AUH: variants seen among roughly 807,000 people sequenced by gnomAD.
AUH encodes the protein AU RNA binding methylglutaconyl-CoA hydratase, also known as methylglutaconyl-CoA hydratase, mitochondrial.
AUH carries 29 observed loss-of-function variants against 42.3 expected under a neutral mutation model. The ratio of observed to expected loss-of-function variants is 0.69; its 90% CI spans 0.51 to 0.93. The LOEUF is 0.93. AUH is among the 40% of genes least tolerant of loss of function. The probability of loss-of-function intolerance (pLI) is 0.00; values close to 1 mark genes in which losing one functional copy is unlikely to be tolerated. For synonymous variants in AUH, 174 were observed against 166.4 expected (o/e 1.05, Z -0.35); for missense variants, 452 against 438.1 (o/e 1.03, Z -0.28).
chr9:91,280,377 A>G (rs1825868470), intron 6 of AUH, among the ~76,000 whole-genome samples: 1 of 152,202 alleles, frequency 6.6e-6, no homozygotes, highest in Non-Finnish European at 1.5e-5. Flanking sequence ...TTACTGCTGG[A>G]TAATAAGAAA....
At chr9:91,278,120 G>A (rs1409277787) in intron 6 of AUH, among the ~76,000 whole-genome samples, 1 of 152,148 alleles carries the variant, frequency 6.6e-6, no homozygotes, top group African/African-American at 2.4e-5. Flanking sequence ...AGAAAACAAC[G>A]GAGGGCTGGC....
intron 4 of AUH, among the ~76,000 whole-genome samples, chr9:91,303,025 G>C (rs1827926899): frequency 6.6e-6 from 1 of 152,246 alleles, no homozygotes; most frequent in South Asian, 2.1e-4. Context: ...CAGGAAATGA[G>C]CCAGGTATGA....
At chr9:91,236,942 A>G (rs990628397) in intron 6 of AUH, among the ~76,000 whole-genome samples, 4 of 152,148 alleles carry the variant, frequency 2.6e-5, no homozygotes, top group Admixed American at 2.0e-4. Flanking sequence ...AGGAAAAAAA[A>G]CCCCATAAAC....
chr9:91,307,143 T>C (rs1828290505), intron 4 of AUH, among the ~76,000 whole-genome samples: 1 of 152,148 alleles, frequency 6.6e-6, no homozygotes, highest in Non-Finnish European at 1.5e-5. Context: ...CTGGAGGTGA[T>C]GGACATATTC....
chr9:91,342,039 GAGACCTGAC>G (rs1420942797), intron 3 of AUH, among the ~76,000 whole-genome samples: 1 of 152,156 alleles, frequency 6.6e-6, no homozygotes, highest in East Asian at 1.9e-4. Context: ...CAGAGTAGGC[GAGACCTGAC>G]ACACTTGGTA....
chr9:91,233,130 C>T (rs1227178705), intron 6 of AUH, among the ~76,000 whole-genome samples: 1 of 151,934 alleles, frequency 6.6e-6, no homozygotes, highest in African/African-American at 2.4e-5. Context: ...TGGGAAGCCT[C>T]GCAATAAAGA....
intron 3 of AUH, among the ~76,000 whole-genome samples, chr9:91,349,218 C>G (rs1057500523): frequency 1.3e-5 from 2 of 152,210 alleles, no homozygotes; most frequent in Admixed American, 1.3e-4. Context: ...ACAAGTCACT[C>G]TTTAGTCATA....
intron 4 of AUH, among the ~76,000 whole-genome samples, chr9:91,319,355 T>A (rs893465290): frequency 1.3e-5 from 2 of 152,202 alleles, no homozygotes; most frequent in African/African-American, 4.8e-5. Context: ...CAAGTACTGT[T>A]ACAGTAGGTA....
At chr9:91,285,316 G>T (rs192906007) in intron 6 of AUH, among the ~76,000 whole-genome samples, 2 of 151,954 alleles carry the variant, frequency 1.3e-5, no homozygotes, top group Non-Finnish European at 2.9e-5. Flanking sequence ...GTCATGGGGT[G>T]GGGGAAGGGG....
At chr9:91,254,092 T>C (rs527715737) in intron 6 of AUH, among the ~76,000 whole-genome samples, 13 of 152,198 alleles carry the variant, frequency 8.5e-5, no homozygotes, top group Non-Finnish European at 1.8e-4. Context: ...AGAACGTTAA[T>C]AAAGTAAATC....
At chr9:91,335,965 A>C (rs1830656908) in intron 3 of AUH, among the ~76,000 whole-genome samples, 1 of 152,184 alleles carries the variant, frequency 6.6e-6, no homozygotes, top group African/African-American at 2.4e-5. Context: ...CCTAGCCATC[A>C]ACCACTGTGG....
intron 6 of AUH, among the ~76,000 whole-genome samples, chr9:91,223,545 T>G (rs1270186047): frequency 6.6e-6 from 1 of 152,220 alleles, no homozygotes; most frequent in Admixed American, 6.5e-5. Context: ...TATACAAATA[T>G]CTCTTCAAGA....
intron 6 of AUH, among the ~76,000 whole-genome samples, chr9:91,259,008 T>C (rs1028866413): frequency 6.6e-6 from 1 of 152,204 alleles, no homozygotes; most frequent in African/African-American, 2.4e-5. Context: ...TTTTTGTATT[T>C]GGTAGGAAGG....
chr9:91,292,898 T>C (rs1369056752), intron 6 of AUH, among the ~76,000 whole-genome samples: 1 of 152,196 alleles, frequency 6.6e-6, no homozygotes, highest in East Asian at 1.9e-4. Flanking sequence ...GCACCATTTT[T>C]CCAACAGTAT....
chr9:91,346,935 G>A (rs1388037702), intron 3 of AUH, among the ~76,000 whole-genome samples: 3 of 152,016 alleles, frequency 2.0e-5, no homozygotes, highest in African/African-American at 7.3e-5. Flanking sequence ...CATAGGGCAA[G>A]GTATGGGAAG....
intron 3 of AUH, among the ~76,000 whole-genome samples, chr9:91,346,313 T>C (rs766491920): frequency 7.9e-5 from 12 of 152,054 alleles, no homozygotes; most frequent in Non-Finnish European, 1.6e-4. Flanking sequence ...ATGTAATCAA[T>C]CATTATGTAA....
chr9:91,279,312 A>G (rs865805291), intron 6 of AUH, among the ~76,000 whole-genome samples: 2 of 152,222 alleles, frequency 1.3e-5, no homozygotes, highest in African/African-American at 4.8e-5. Context: ...TACAAAAGAA[A>G]CTGAGATAAA....
At chr9:91,287,451 T>G (rs762277266) in intron 6 of AUH, among the ~76,000 whole-genome samples, 44 of 152,140 alleles carry the variant, frequency 2.9e-4, no homozygotes, top group Non-Finnish European at 5.0e-4. Context: ...AGCATTTGAG[T>G]AAGGTCTACA....
chr9:91,275,466 G>A (rs1825467974), intron 6 of AUH, among the ~76,000 whole-genome samples: 1 of 152,086 alleles, frequency 6.6e-6, no homozygotes, highest in African/African-American at 2.4e-5. Context: ...TCAAACACTT[G>A]CTTCTGGCTG....
Sources: allele counts gnomAD v4.1 joint callset (sites outside exome capture counted in the v4.1 genomes callset), GRCh38; gene constraint gnomAD v4.1.1; transcripts MANE v1.5; gene names NCBI Gene and HGNC (gene_info 2026-07-23, HGNC 2026-07-21).